The following ZFAND3 variants were observed in gnomAD, a reference collection of about 807,000 sequenced individuals.
ZFAND3 encodes the protein zinc finger AN1-type containing 3.
ZFAND3 carries 10 observed loss-of-function variants against 29.6 expected under a neutral mutation model. The observed-to-expected ratio is 0.34, with a 90% confidence interval of 0.21 to 0.57. The LOEUF (loss-of-function observed/expected upper bound fraction) is 0.57, where lower values mean the gene tolerates loss of function less well. Ranked by LOEUF, ZFAND3 falls within the 20% of genes least tolerant of loss-of-function variation. The probability of loss-of-function intolerance (pLI) is 0.86; values close to 1 mark genes in which losing one functional copy is unlikely to be tolerated. For missense variants in ZFAND3, 230 were observed against 304.5 expected (o/e 0.76, Z 1.82); for synonymous variants, 128 against 112.6 (o/e 1.14, Z -0.87).
intron 1 of ZFAND3, among the ~76,000 whole-genome samples, chr6:37,838,076 C>T (rs1220894733): frequency 6.6e-6 from 1 of 152,160 alleles, no homozygotes; most frequent in Non-Finnish European, 1.5e-5. Flanking sequence ...CATTTGTAGA[C>T]AAGGACAACT....
chr6:37,875,756 T>A (rs1306699949), intron 1 of ZFAND3, among the ~76,000 whole-genome samples: 5 of 151,824 alleles, frequency 3.3e-5, no homozygotes, highest in Admixed American at 3.3e-4. Context: ...CCTCTTTCGC[T>A]CAAGTGATCC....
chr6:38,023,384 T>G (rs1763386219), intron 2 of ZFAND3, among the ~76,000 whole-genome samples: 1 of 152,136 alleles, frequency 6.6e-6, no homozygotes, highest in Non-Finnish European at 1.5e-5. Flanking sequence ...AATAACAACA[T>G]GGAAGTTTTA....
chr6:37,897,818 A>G (rs966999990), intron 1 of ZFAND3, among the ~76,000 whole-genome samples: 9 of 152,184 alleles, frequency 5.9e-5, no homozygotes, highest in African/African-American at 2.2e-4. Flanking sequence ...TGTCCAATTT[A>G]AATTGGGAAT....
At position 38,134,333 on chromosome 6, in the gene ZFAND3, C is replaced by T. The variant is rs115491577; in HGVS notation, c.529+17594C>T. 7.2e-3 allele frequency among the ~76,000 whole-genome samples: 1,096 copies of T among 152,258 alleles called. 7 individuals are homozygous for T. The highest frequency in any genetic ancestry group is 0.023 in the African/African-American group (976 of 41,562). On this transcript the variant is annotated intron_variant, in intron 5 of 5. Coordinates refer to ENST00000287218, the MANE Select transcript of ZFAND3 (RefSeq NM_021943.3). ...GCAGTTGACTTCCCCTTGGTGCTCC[C>T]GATTTATTACACATCGGTGAATTAT...
chr6:38,062,102 A>T (rs1164274524), intron 3 of ZFAND3, among the ~76,000 whole-genome samples: 1 of 152,154 alleles, frequency 6.6e-6, no homozygotes, highest in Non-Finnish European at 1.5e-5. Flanking sequence ...ATTGATCTGG[A>T]GGGAGGCCCA....
chr6:37,832,471 A>G (rs967773763), intron 1 of ZFAND3, among the ~76,000 whole-genome samples: 1 of 152,188 alleles, frequency 6.6e-6, no homozygotes, highest in African/African-American at 2.4e-5. Context: ...TGTCAGTGGT[A>G]TGCATTGTTT....
At chr6:37,987,879 A>T (rs1241388823) in intron 2 of ZFAND3, among the ~76,000 whole-genome samples, 1 of 152,230 alleles carries the variant, frequency 6.6e-6, no homozygotes, top group Admixed American at 6.5e-5. Flanking sequence ...ACTGTTGGAC[A>T]TGCCTTCAAA....
chr6:38,031,285 C>T (rs1424464999), intron 2 of ZFAND3, among the ~76,000 whole-genome samples: 2 of 152,128 alleles, frequency 1.3e-5, no homozygotes, highest in Non-Finnish European at 2.9e-5. Flanking sequence ...TTTCTTTCAC[C>T]TTCTGACTCA....
At chr6:37,859,716 A>T (rs1391145013) in intron 1 of ZFAND3, among the ~76,000 whole-genome samples, 1 of 152,104 alleles carries the variant, frequency 6.6e-6, no homozygotes, top group African/African-American at 2.4e-5. Flanking sequence ...TTGTACCTCA[A>T]TCAGTTTGTG....
rs568961892 is a variant in ZFAND3 at position 38,154,373 on chromosome 6, T to TGGC, written c.*1986_*1987insCGG. The TGGC allele has an allele frequency of 5.4e-6, 2 of 370,366 alleles. No homozygotes were observed. The highest frequency in any genetic ancestry group is 4.9e-5 in the African/African-American group (2 of 41,030). The allele number at this position is 370,366 out of a possible 1,614,324, so 22.9% of individuals were successfully genotyped here. On this transcript the variant is annotated 3_prime_UTR_variant, in exon 6 of 6. Coordinates refer to ENST00000287218, the MANE Select transcript of ZFAND3 (RefSeq NM_021943.3). ...CCATGTTCGCTTCCTGACTTAGAGC[T>TGGC]GGGGGGGGTGGGGGGTGGGGCTTGT...
intron 2 of ZFAND3, among the ~76,000 whole-genome samples, chr6:37,931,730 G>C (rs544010160): frequency 6.6e-6 from 1 of 152,060 alleles, no homozygotes; most frequent in African/African-American, 2.4e-5. Context: ...TTTTATTAAA[G>C]AGATTTTTTT....
At chr6:38,107,063 A>C (rs1000488388) in intron 4 of ZFAND3, among the ~76,000 whole-genome samples, 1 of 152,130 alleles carries the variant, frequency 6.6e-6, no homozygotes, top group Non-Finnish European at 1.5e-5. Context: ...CTATGAAGAG[A>C]TGTCTTACAG....
chr6:38,089,186 G>A (rs1423691173), intron 4 of ZFAND3, among the ~76,000 whole-genome samples: 2 of 151,732 alleles, frequency 1.3e-5, no homozygotes, highest in East Asian at 3.9e-4. Flanking sequence ...ACAGTGGTGC[G>A]ATCTTGGCAC....
intron 1 of ZFAND3, among the ~76,000 whole-genome samples, chr6:37,923,307 A>G (rs1292522214): frequency 6.6e-6 from 1 of 152,182 alleles, no homozygotes; most frequent in Non-Finnish European, 1.5e-5. Flanking sequence ...GTTAGGCCCC[A>G]GCACACAGAC....
At position 37,974,147 on chromosome 6, in the gene ZFAND3, C is replaced by T. The variant is rs138958308; in HGVS notation, c.112+44148C>T. ...AATCTGGGCTCATTGCAACCTCTGC[C>T]TCTCCCCTAGGTTCAAGCGATTCTC... On this transcript the variant is annotated intron_variant, in intron 2 of 5. Transcript: ENST00000287218. Among the ~76,000 whole-genome samples the T allele has an allele frequency of 2.3e-4, 35 of 152,272 alleles. No individual in the cohort carries two copies. The East Asian group carries it at 4.4e-3, about 19-fold the overall frequency.
intron 2 of ZFAND3, among the ~76,000 whole-genome samples, chr6:38,047,517 T>G (rs1299525440): frequency 6.6e-6 from 1 of 152,186 alleles, no homozygotes; most frequent in African/African-American, 2.4e-5. Flanking sequence ...AAAAGTTTTC[T>G]GTGCACACAC....
chr6:38,080,055 C>CAAA (rs59385588), intron 3 of ZFAND3, among the ~76,000 whole-genome samples: 2 of 130,106 alleles, frequency 1.5e-5, no homozygotes, highest in East Asian at 2.1e-4. Flanking sequence ...AAAGTTCCTC[C>CAAA]AAAAAAAAAA....
intron 4 of ZFAND3, among the ~76,000 whole-genome samples, chr6:38,100,506 A>T (rs560343025): frequency 6.6e-6 from 1 of 152,354 alleles, no homozygotes; most frequent in African/African-American, 2.4e-5. Flanking sequence ...ATGACAAGTG[A>T]AAGTCTGTGA....
Position 38,148,556 on chromosome 6 carries a change from G to A in ZFAND3, c.530-3679G>A, listed in dbSNP as rs746207330. Among the ~76,000 whole-genome samples, 187 of 152,264 alleles carry A rather than the reference G, an allele frequency of 1.2e-3. 1 individual carries two copies. The highest frequency in any genetic ancestry group is 1.6e-3 in the African/African-American group (66 of 41,548). On this transcript the variant is annotated intron_variant, in intron 5 of 5. Coordinates refer to ENST00000287218, the MANE Select transcript of ZFAND3 (RefSeq NM_021943.3). Reference sequence around the variant, plus strand: ...TTAAAACTGCTCATATTGAAATTATGGAAAATAATCTTCTGTAGCAGCCTG... The same window carrying A: ...TTAAAACTGCTCATATTGAAATTATAGAAAATAATCTTCTGTAGCAGCCTG...
Sources: allele counts gnomAD v4.1 joint callset (sites outside exome capture counted in the v4.1 genomes callset), GRCh38; gene constraint gnomAD v4.1.1; transcripts MANE v1.5; gene names NCBI Gene and HGNC (gene_info 2026-07-23, HGNC 2026-07-21).